The following COPZ2 variants were observed in gnomAD, a reference collection of about 807,000 sequenced individuals.
COPZ2 encodes the protein coatomer subunit zeta-2.
COPZ2 carries 30 observed loss-of-function variants against 33.2 expected under a neutral mutation model. That is an observed-to-expected ratio of 0.90 (90% CI 0.68 to 1.23). The LOEUF (loss-of-function observed/expected upper bound fraction) is 1.23, where lower values mean the gene tolerates loss of function less well. COPZ2 is among the 50% of genes most tolerant of loss of function. The pLI, the probability that COPZ2 is intolerant of heterozygous loss-of-function variation, is 0.00. For synonymous variants in COPZ2, 89 were observed against 102.6 expected, an observed-to-expected ratio of 0.87 and a Z score of 0.80; for missense variants, 263 against 262.4, an observed-to-expected ratio of 1.00 and a Z score of -0.02.
In COPZ2 at chr17:48,037,254, C is replaced by T. The variant is rs12940701; in HGVS notation, c.112-329G>A. On this transcript the variant is annotated intron_variant, in intron 1 of 8. Transcript: ENST00000621465. This position sits in a 1 kb window ranked among gnomAD's most constrained non-coding sequence, Gnocchi z 5.6. ...ACCTGGGCCGGGGGGGACAGCGGGC[C>T]GAGCCTCCTTCTTCCAGCTGATCCC... 0.29 allele frequency: 167,226 copies of T among 571,456 alleles called. 26,137 individuals are homozygous for T. The highest frequency in any genetic ancestry group is 0.46 in the Admixed American group (19,320 of 42,362). The allele number at this position is 571,456 out of a possible 1,614,324, so 35.4% of individuals were successfully genotyped here.
intron 6 of COPZ2, among the ~76,000 whole-genome samples, chr17:48,030,138 T>A (rs188858467): frequency 6.7e-6 from 1 of 149,928 alleles, no homozygotes; most frequent in Non-Finnish European, 1.5e-5. Context: ...ACAAAAAAAA[T>A]TAGCCGGTAA....
intron 6 of COPZ2, among the ~76,000 whole-genome samples, chr17:48,030,289 A>AACACACACACACACAC (rs71935471): frequency 7.5e-4 from 96 of 128,412 alleles, no homozygotes; most frequent in South Asian, 1.0e-3. Flanking sequence ...TCCATCTCAA[A>AACACACACACACACAC]ACACACACAC....
At position 48,032,760 on chromosome 17, in the gene COPZ2, G is replaced by A. The variant is rs753796778; in HGVS notation, c.361-19C>T. ...GCATCAGCTGGGATGGGCAGATACG[G>A]GAGGAGGAAAAGGAGAGTTTGAGAT... On this transcript the variant is annotated intron_variant, in intron 4 of 8. Transcript: ENST00000621465. The A allele has an allele frequency of 1.3e-6, 2 of 1,580,314 alleles. No homozygotes were observed. The highest frequency in any genetic ancestry group is 2.3e-5 in the East Asian group (1 of 43,408).
At chr17:48,042,692 C>T (rs1005585362), upstream of COPZ2, among the ~76,000 whole-genome samples, 2 of 152,016 alleles carry the variant, frequency 1.3e-5, no homozygotes, top group African/African-American at 4.8e-5. Flanking sequence ...CAACTCCTGA[C>T]CTTAAGTGAT....
At chr17:48,037,961 C>T (rs2037019760), upstream of COPZ2, 3 of 619,394 alleles carry the variant, frequency 4.8e-6, no homozygotes, top group Non-Finnish European at 6.1e-6. The surrounding 1 kb of genome is among the most constrained non-coding windows in gnomAD (Gnocchi z 5.6). Context: ...CCCACTTCTC[C>T]TCTCCCTCTC....
At position 48,033,555 on chromosome 17, in the gene COPZ2, C is replaced by T. The variant is rs78537749; in HGVS notation, c.269-253G>A. On this transcript the variant is annotated intron_variant, in intron 3 of 8. Coordinates refer to ENST00000621465, the MANE Select transcript of COPZ2 (RefSeq NM_016429.4). ...TGTTGACCCGTTTACCTCCTGCCCACGCTCCCACCCTGTGCAGCACCTTGG... is the reference window on the plus strand; with the variant it reads ...TGTTGACCCGTTTACCTCCTGCCCATGCTCCCACCCTGTGCAGCACCTTGG... Among the ~76,000 whole-genome samples, 44 of 152,314 alleles carry T rather than the reference C, an allele frequency of 2.9e-4. No homozygotes were observed. In the East Asian group the frequency reaches 7.3e-3, roughly 25 times the overall value.
In COPZ2 at chr17:48,037,468, G is replaced by T. The variant is rs2037006775; in HGVS notation, c.111+199C>A. Among the ~76,000 whole-genome samples the T allele has an allele frequency of 6.6e-6, 1 of 152,178 alleles. No homozygotes were observed. The highest frequency in any genetic ancestry group is 2.4e-5 in the African/African-American group (1 of 41,454). On this transcript the variant is annotated intron_variant, in intron 1 of 8. Coordinates refer to ENST00000621465, the MANE Select transcript of COPZ2 (RefSeq NM_016429.4). This position sits in a 1 kb window ranked among gnomAD's most constrained non-coding sequence, Gnocchi z 5.6. Reference sequence around the variant, plus strand: ...AACGGACCCAGAACTTCAGCCCCGCGCCGACGGACTCAGGACAGGCCTCCT... The same window carrying T: ...AACGGACCCAGAACTTCAGCCCCGCTCCGACGGACTCAGGACAGGCCTCCT...
rs376962013 is a variant in COPZ2 at position 48,036,933 on chromosome 17, C to T, written c.112-8G>A. 1.8e-5 allele frequency: 29 copies of T among 1,612,974 alleles called. No homozygotes were observed. The African/African-American group carries it at 3.3e-4, about 19-fold the overall frequency. On this transcript the variant is annotated splice_polypyrimidine_tract_variant and splice_region_variant and intron_variant, in intron 1 of 8. Transcript: ENST00000621465. ...GAGGGAAGGTTCCTGCAACTGACAC[C>T]GGAGAGGAGAGTTCCGTTTGGCCCC...
rs758048951 is a variant in COPZ2, at chr17:48,033,184, C to T, written c.360+27G>A. On this transcript the variant is annotated intron_variant, in intron 4 of 8. Coordinates refer to ENST00000621465, the MANE Select transcript of COPZ2 (RefSeq NM_016429.4). ...AACATTTCCCCATAGACAGACCCTTCTTACTGCCCCAACCTCCTGAATTCA... is the reference window on the plus strand; with the variant it reads ...AACATTTCCCCATAGACAGACCCTTTTTACTGCCCCAACCTCCTGAATTCA... 6.0e-6 allele frequency: 9 copies of T among 1,488,028 alleles called. No individual in the cohort carries two copies. The Admixed American group carries it at 1.0e-4, about 17-fold the overall frequency. The allele number at this position is 1,488,028 out of a possible 1,614,324, so 92.2% of individuals were successfully genotyped here. A position where few individuals can be genotyped will look rare whatever the true frequency, so the allele number is the denominator to read the frequency against.
upstream of COPZ2, among the ~76,000 whole-genome samples, chr17:48,038,777 C>T (rs2037030891): frequency 6.6e-6 from 1 of 152,150 alleles, no homozygotes; most frequent in South Asian, 2.1e-4. Flanking sequence ...CAGTCACTTA[C>T]CCTAGATGGT....
At chr17:48,030,329 C>CAA (rs1491255486) in intron 6 of COPZ2, among the ~76,000 whole-genome samples, 1 of 141,266 alleles carries the variant, frequency 7.1e-6, no homozygotes, top group South Asian at 2.2e-4. Context: ...CACACACACA[C>CAA]AAAGAAACAA....
chr17:48,037,155 G>A lies in COPZ2; in HGVS notation c.112-230C>T, dbSNP rs1567743648. On this transcript the variant is annotated intron_variant, in intron 1 of 8. Transcript: ENST00000621465. The surrounding 1 kb of genome is among the most constrained non-coding windows in gnomAD (Gnocchi z 5.6). The stretch of plus-strand genomic sequence containing the variant: ...CGAGTGGGCGCTGTGCCCGTTGGGT[G>A]CAGAAGGTCCTTCCGGGCCCAAGTT... 1.3e-6 allele frequency: 1 copy of A among 757,304 alleles called. No individual in the cohort carries two copies. Among genetic ancestry groups the A allele is most frequent in the East Asian group, 2.5e-5 (1 of 39,700 alleles). The allele number at this position is 757,304 out of a possible 1,614,324, so 46.9% of individuals were successfully genotyped here.
intron 2 of COPZ2, 94 bp from the exon 3 acceptor site, chr17:48,034,038 CG>C (rs2036941417): frequency 1.2e-6 from 1 of 817,396 alleles, no homozygotes; most frequent in South Asian, 1.5e-5. Context: ...GCTGGGCAAG[CG>C]GGATCCTGCT....
Position 48,028,417 on chromosome 17 carries a change from G to C in COPZ2, c.585+55C>G. On this transcript the variant is annotated intron_variant, in intron 8 of 8. Coordinates refer to ENST00000621465, the MANE Select transcript of COPZ2 (RefSeq NM_016429.4). This position sits in a 1 kb window ranked among gnomAD's most constrained non-coding sequence, Gnocchi z 4.5. ...CCCCTAGGATGCTCTAGGATGCTCT[G>C]CTCCCCGTATCTCTCTAGACCATTT... The C allele has an allele frequency of 6.4e-7, 1 of 1,558,542 alleles. No individual in the cohort carries two copies. Among genetic ancestry groups the C allele is most frequent in the Non-Finnish European group, 8.7e-7 (1 of 1,145,776 alleles).
At chr17:48,045,917 G>C in the COPZ2 span, 1 of 152,314 alleles carries the variant, frequency 6.6e-6, no homozygotes, top group South Asian at 2.1e-4. Context: ...TAATCAGCAG[G>C]TTCTGGGAAA....
intron 6 of COPZ2, among the ~76,000 whole-genome samples, chr17:48,030,611 C>A (rs1012858753): frequency 6.6e-6 from 1 of 152,194 alleles, no homozygotes; most frequent in African/African-American, 2.4e-5. Context: ...CTGAGCACCC[C>A]CTGTCCCAAG....
the COPZ2 span, among the ~76,000 whole-genome samples, chr17:48,044,409 T>TTC: frequency 7.2e-5 from 9 of 125,642 alleles, no homozygotes; most frequent in African/African-American, 3.4e-4. Context: ...TTTGCTTTTT[T>TTC]TTTTTTTTTT....
Position 48,032,683 on chromosome 17 carries a change from C to T in COPZ2, c.416+3G>A, listed in dbSNP as rs1402563012. ...GCCTCGGAGGGCAGAGAACCTCACT[C>T]ACCTTAACATGTGGTTCAGAGACTC... On this transcript the variant is annotated splice_donor_region_variant and intron_variant, in intron 5 of 8. Coordinates refer to ENST00000621465, the MANE Select transcript of COPZ2 (RefSeq NM_016429.4). 2 of 1,586,222 alleles carry T rather than the reference C, an allele frequency of 1.3e-6. No homozygotes were observed. The highest frequency in any genetic ancestry group is 4.6e-5 in the East Asian group (2 of 43,642).
rs2037007466 is a variant in COPZ2, at chr17:48,037,502, G to C, written c.111+165C>G. Among the ~76,000 whole-genome samples, 1 of 152,130 alleles carries C rather than the reference G, an allele frequency of 6.6e-6. No homozygotes were observed. The highest frequency in any genetic ancestry group is 6.5e-5 in the Admixed American group (1 of 15,276). On this transcript the variant is annotated intron_variant, in intron 1 of 8. Coordinates refer to ENST00000621465, the MANE Select transcript of COPZ2 (RefSeq NM_016429.4). The surrounding 1 kb of genome is among the most constrained non-coding windows in gnomAD (Gnocchi z 5.6). ...CTCAGGACAGGCCTCCTCTCCGGTC[G>C]GCGCTGGGACGAACTTTTCCTCCCG... is the stretch of plus-strand genomic sequence containing the variant.
Sources: allele counts gnomAD v4.1 joint callset (sites outside exome capture counted in the v4.1 genomes callset), GRCh38; gene constraint gnomAD v4.1.1; non-coding constraint Gnocchi (gnomAD v3.1); transcripts MANE v1.5; gene names NCBI Gene and HGNC (gene_info 2026-07-23, HGNC 2026-07-21).